Variants in PSTPIP2 observed in about 807,000 individuals in gnomAD.
PSTPIP2 encodes proline-serine-threonine phosphatase interacting protein 2, also known as proline-serine-threonine phosphatase-interacting protein 2.
Under a neutral mutation model 63.3 loss-of-function variants are expected in PSTPIP2, and 33 were observed. The observed-to-expected ratio is 0.52, with a 90% CI of 0.40 to 0.70. The LOEUF is 0.70. Among genes scored for constraint, PSTPIP2 ranks in the 30% least tolerant of loss-of-function variants. The pLI, the probability that PSTPIP2 is intolerant of heterozygous loss-of-function variation, is 0.00. For synonymous variants in PSTPIP2, 125 were observed against 132.7 expected (o/e 0.94, Z 0.40); for missense variants, 312 against 400.7 (o/e 0.78, Z 1.89).
chr18:46,068,525 C>T (rs1909273661), intron 1 of PSTPIP2, among the ~76,000 whole-genome samples: 1 of 151,844 alleles, frequency 6.6e-6, no homozygotes, highest in Non-Finnish European at 1.5e-5. Flanking sequence ...GTCTCGATCT[C>T]CTGACCTCGT....
chr18:46,031,250 C>G (rs931832996), intron 2 of PSTPIP2, among the ~76,000 whole-genome samples: 4 of 149,564 alleles, frequency 2.7e-5, no homozygotes, highest in African/African-American at 9.7e-5. Flanking sequence ...CCTTCCTTCT[C>G]TCCTTTTTTG....
rs1347484421 is a variant in PSTPIP2, at chr18:45,984,735, A to C, written c.*724T>G. The C allele has an allele frequency of 6.6e-6, 1 of 152,262 alleles. No homozygotes were observed. The highest frequency in any genetic ancestry group is 1.5e-5 in the Non-Finnish European group (1 of 68,064). The allele number at this position is 152,262 out of a possible 1,614,324, so 9.4% of individuals were successfully genotyped here. ...TAGTTCAGCATACACAGGGATCCAC[A>C]TAAAAATAAATCTGACATTTAAACC... On this transcript the variant is annotated 3_prime_UTR_variant, in exon 15 of 15. Coordinates refer to ENST00000409746, the MANE Select transcript of PSTPIP2 (RefSeq NM_024430.4).
Position 46,009,867 on chromosome 18 carries a change from A to G in PSTPIP2, c.354+1314T>C, listed in dbSNP as rs2051776257. On this transcript the variant is annotated intron_variant, in intron 5 of 14. Coordinates refer to ENST00000409746, the MANE Select transcript of PSTPIP2 (RefSeq NM_024430.4). ...CTATGTCAGCCAAAAGGGTCTGACC[A>G]TCCAATGGGTTTAATACACATGCTA... is the stretch of plus-strand genomic sequence containing the variant. Among the ~76,000 whole-genome samples the G allele has an allele frequency of 2.0e-5, 3 of 152,328 alleles. No individual in the cohort carries two copies. In the South Asian group the frequency reaches 6.2e-4, roughly 32 times the overall value.
chr18:46,060,392 T>G (rs551556358), intron 1 of PSTPIP2, among the ~76,000 whole-genome samples: 1 of 152,330 alleles, frequency 6.6e-6, no homozygotes, highest in South Asian at 2.1e-4. Context: ...TTAACACAAC[T>G]ATGACGTACT....
At chr18:46,039,248 T>A (rs9954430) in intron 2 of PSTPIP2, among the ~76,000 whole-genome samples, 2,001 of 152,302 alleles carry the variant, frequency 0.013, 31 homozygotes, top group Admixed American at 0.032. Flanking sequence ...TTTGTTTTTT[T>A]AAAAATCTTA....
At chr18:46,057,443 T>A (rs1187961985) in intron 1 of PSTPIP2, among the ~76,000 whole-genome samples, 1 of 151,720 alleles carries the variant, frequency 6.6e-6, no homozygotes, top group African/African-American at 2.4e-5. Flanking sequence ...TTCTTCTGCC[T>A]CAGCCTCCAG....
intron 3 of PSTPIP2, among the ~76,000 whole-genome samples, chr18:46,021,699 A>T (rs1195158727): frequency 1.3e-5 from 2 of 151,702 alleles, no homozygotes; most frequent in Non-Finnish European, 2.9e-5. Flanking sequence ...TAATCCCAGC[A>T]CTTTGGGAGG....
intron 2 of PSTPIP2, among the ~76,000 whole-genome samples, chr18:46,036,670 T>C (rs771909761): frequency 6.6e-6 from 1 of 152,204 alleles, no homozygotes; most frequent in Non-Finnish European, 1.5e-5. Flanking sequence ...CAGATGAATT[T>C]ACTGCAATCT....
chr18:45,997,553 T>C (rs2051609831), intron 9 of PSTPIP2, among the ~76,000 whole-genome samples, 196 bp downstream of exon 9: 1 of 151,516 alleles, frequency 6.6e-6, no homozygotes, highest in Non-Finnish European at 1.5e-5. Flanking sequence ...AGATCATTTC[T>C]ACAAAAGTAG....
At chr18:45,985,999 AC>A (rs2051463069) in intron 14 of PSTPIP2, among the ~76,000 whole-genome samples, 2 of 151,808 alleles carry the variant, frequency 1.3e-5, no homozygotes, top group South Asian at 4.2e-4. Flanking sequence ...CTGGTCTCAA[AC>A]TCCTGACCTC....
At chr18:46,067,025 C>T (rs1284938680) in intron 1 of PSTPIP2, among the ~76,000 whole-genome samples, 1 of 90,702 alleles carries the variant, frequency 1.1e-5, no homozygotes, top group Non-Finnish European at 2.4e-5. Flanking sequence ...GAAACTCCAT[C>T]TCAAAAAAAA....
In PSTPIP2 at chr18:46,006,360, C is replaced by CTTTTTTTT. The variant is rs756384731; in HGVS notation, c.355-837_355-830dup. Among the ~76,000 whole-genome samples the CTTTTTTTT allele has an allele frequency of 1.4e-4, 16 of 115,628 alleles. 8 individuals are homozygous for CTTTTTTTT. Among genetic ancestry groups the CTTTTTTTT allele is most frequent in the African/African-American group, 3.7e-4 (10 of 27,084 alleles). 75.9% of individuals were successfully genotyped at this position (115,628 alleles called of 152,430 possible). On this transcript the variant is annotated intron_variant, in intron 5 of 14. Transcript: ENST00000409746. ...TGAGCCACCATGCCCAGCCCTGGTA[C>CTTTTTTTT]TTTTTTTTTTTTTTTTTTTTTTTTT... is the stretch of plus-strand genomic sequence containing the variant.
In PSTPIP2 at chr18:46,072,236, A is replaced by G. The variant is rs949636510; in HGVS notation, c.-48T>C. ...AGGAGAGCCGGGCCGCAGGTAGCAC[A>G]GAGCGGGGAGGCCTGACTGCCACTG... On this transcript the variant is annotated 5_prime_UTR_variant, in exon 1 of 15. Transcript: ENST00000409746. 8 of 1,524,596 alleles carry G rather than the reference A, an allele frequency of 5.2e-6. No individual in the cohort carries two copies. The highest frequency in any genetic ancestry group is 1.4e-5 in the African/African-American group (1 of 70,206). 94.4% of individuals were successfully genotyped at this position (1,524,596 alleles called of 1,614,324 possible).
intron 3 of PSTPIP2, among the ~76,000 whole-genome samples, chr18:46,022,000 C>G (rs1272973358): frequency 6.6e-6 from 1 of 151,314 alleles, no homozygotes; most frequent in Non-Finnish European, 1.5e-5. Flanking sequence ...ATTGTAAAAT[C>G]TTGGTGACAA....
rs986219282 is a variant in PSTPIP2, at chr18:46,034,033, C to T, written c.134+5914G>A. 3.9e-5 allele frequency among the ~76,000 whole-genome samples: 6 copies of T among 152,130 alleles called. No individual in the cohort carries two copies. The South Asian group carries it at 8.3e-4, about 21-fold the overall frequency. On this transcript the variant is annotated intron_variant, in intron 2 of 14. Coordinates refer to ENST00000409746, the MANE Select transcript of PSTPIP2 (RefSeq NM_024430.4). ...CTTGACAACTTGACCAGCTAATGCA[C>T]GAAGGGAATCTGTCATTCCCACCCT... is the stretch of plus-strand genomic sequence containing the variant.
At chr18:46,060,075 T>A (rs1908935453) in intron 1 of PSTPIP2, among the ~76,000 whole-genome samples, 1 of 152,336 alleles carries the variant, frequency 6.6e-6, no homozygotes, top group East Asian at 1.9e-4. Context: ...GTTTTCCAAA[T>A]TGTTTAATAA....
At chr18:46,058,682 A>G (rs975745938) in intron 1 of PSTPIP2, among the ~76,000 whole-genome samples, 3 of 152,174 alleles carry the variant, frequency 2.0e-5, no homozygotes, top group Non-Finnish European at 4.4e-5. Context: ...TTTTTAAGGT[A>G]CCAATAAAAA....
At chr18:46,009,384 A>AAC (rs1568215025) in intron 5 of PSTPIP2, among the ~76,000 whole-genome samples, 2 of 136,150 alleles carry the variant, frequency 1.5e-5, no homozygotes, top group Non-Finnish European at 3.1e-5. Flanking sequence ...AAAAAAAAAA[A>AAC]AAAAAAACCT....
chr18:46,025,540 T>G (rs762517491), intron 2 of PSTPIP2, among the ~76,000 whole-genome samples: 27 of 152,118 alleles, frequency 1.8e-4, no homozygotes, highest in Non-Finnish European at 3.5e-4. Context: ...TTGAGATCAT[T>G]CTATTATTTG....
Sources: gnomAD v4.1 joint callset for allele counts (sites outside exome capture counted in the v4.1 genomes callset) on GRCh38, gnomAD v4.1.1 for gene constraint, MANE v1.5 for transcripts, NCBI Gene and HGNC (gene_info 2026-07-23, HGNC 2026-07-21) for gene names.